Variants in GRM5 observed in about 807,000 individuals in gnomAD.
GRM5 encodes the protein metabotropic glutamate receptor 5.
Under a neutral mutation model 83.1 loss-of-function variants are expected in GRM5, and 19 were observed. The ratio of observed to expected loss-of-function variants is 0.23; its 90% confidence interval spans 0.16 to 0.34. The LOEUF (loss-of-function observed/expected upper bound fraction) is 0.34. GRM5 is among the 10% of genes least tolerant of loss of function. The pLI is 1.00. For synonymous variants in GRM5, 675 were observed against 633.6 expected (o/e 1.07, Z -0.98); for missense variants, 1,160 against 1,588.3 (o/e 0.73, Z 4.58).
chr11:89,064,096 C>G (rs1300168486), intron 1 of GRM5, among the ~76,000 whole-genome samples: 1 of 152,158 alleles, frequency 6.6e-6, no homozygotes, highest in African/African-American at 2.4e-5. Context: ...CCATTATCTT[C>G]TTCTTCCTAA....
chr11:88,683,914 A>G (rs2135348837), intron 3 of GRM5, among the ~76,000 whole-genome samples: 1 of 152,352 alleles, frequency 6.6e-6, no homozygotes, highest in East Asian at 1.9e-4. Flanking sequence ...ACATGCTGAA[A>G]TAAAACAGTA....
At chr11:88,940,311 C>G (rs1938046036) in intron 2 of GRM5, among the ~76,000 whole-genome samples, 1 of 147,000 alleles carries the variant, frequency 6.8e-6, no homozygotes, top group Non-Finnish European at 1.5e-5. Context: ...ATCCCAGGTT[C>G]ATGGTTTTTT....
At chr11:88,644,836 C>T (rs1052939141) in intron 4 of GRM5, among the ~76,000 whole-genome samples, 3 of 151,908 alleles carry the variant, frequency 2.0e-5, no homozygotes, top group Non-Finnish European at 2.9e-5. Context: ...TTAAGCACCA[C>T]AGTGGCAAAA....
rs770127576 is a variant in GRM5 at position 88,508,565 on chromosome 11, G to A, written c.*27C>T. 3.2e-6 allele frequency: 5 copies of A among 1,578,650 alleles called. No individual in the cohort carries two copies. The highest frequency in any genetic ancestry group is 1.7e-4 in the Middle Eastern group (1 of 5,996). On this transcript the variant is annotated 3_prime_UTR_variant, in exon 10 of 10. Coordinates refer to ENST00000305447, the MANE Select transcript of GRM5 (RefSeq NM_001143831.3). This position sits in a 1 kb window ranked among gnomAD's most constrained non-coding sequence, Gnocchi z 4.2. ...ACACGGGGGGCTCCGCTCCGCACGC[G>A]CAGGCCGGCGTGCTTTCCAGGGACA...
intron 2 of GRM5, among the ~76,000 whole-genome samples, chr11:88,909,010 A>T (rs991013990): frequency 2.0e-5 from 3 of 152,106 alleles, no homozygotes; most frequent in Non-Finnish European, 2.9e-5. Flanking sequence ...TAAGACTTGG[A>T]CTTTGAGGCC....
At chr11:89,060,001 G>A (rs1224074500) in intron 1 of GRM5, among the ~76,000 whole-genome samples, 1 of 151,906 alleles carries the variant, frequency 6.6e-6, no homozygotes, top group Admixed American at 6.6e-5. Flanking sequence ...CTTGCCTAAG[G>A]TCACACAAGT....
chr11:88,664,805 T>C (rs117525246), intron 3 of GRM5, among the ~76,000 whole-genome samples: 1,529 of 152,226 alleles, frequency 0.01, 16 homozygotes, highest in East Asian at 0.066. Context: ...ATTTAAAGTA[T>C]ATAAGAATAT....
intron 4 of GRM5, among the ~76,000 whole-genome samples, chr11:88,644,540 C>T (rs904636463): frequency 5.3e-5 from 8 of 152,028 alleles, no homozygotes; most frequent in Admixed American, 5.2e-4. Flanking sequence ...TGATGTAATA[C>T]AGCAAGAAAA....
chr11:88,807,804 G>A (rs4002400), intron 3 of GRM5, among the ~76,000 whole-genome samples: 47,563 of 151,704 alleles, frequency 0.31, 7,889 homozygotes, highest in South Asian at 0.54. Flanking sequence ...CAAATAACAT[G>A]TTTTATACAA....
chr11:88,924,242 G>A (rs1945747078), intron 2 of GRM5, among the ~76,000 whole-genome samples: 1 of 65,112 alleles, frequency 1.5e-5, no homozygotes, highest in South Asian at 7.9e-4. Context: ...TTGGAAAATA[G>A]TTTGGAGCTT....
At chr11:88,957,598 T>C (rs1938661896) in intron 2 of GRM5, among the ~76,000 whole-genome samples, 1 of 152,198 alleles carries the variant, frequency 6.6e-6, no homozygotes, top group Non-Finnish European at 1.5e-5. Flanking sequence ...AGAAAGTATG[T>C]TCCTGTTTTT....
At chr11:88,752,661 AG>A (rs1372890826) in intron 3 of GRM5, among the ~76,000 whole-genome samples, 1 of 152,228 alleles carries the variant, frequency 6.6e-6, no homozygotes, top group East Asian at 1.9e-4. Context: ...CTAAGCAAAA[AG>A]GACAAAGCTG....
chr11:88,614,577 C>T (rs77389204), intron 4 of GRM5, among the ~76,000 whole-genome samples: 1 of 152,000 alleles, frequency 6.6e-6, no homozygotes, highest in Non-Finnish European at 1.5e-5. Flanking sequence ...CAATTTTGAG[C>T]CTTTTTAATT....
In GRM5 at chr11:88,505,488, A is replaced by G. The variant is rs1941161204; in HGVS notation, c.*3104T>C. Reference sequence around the variant, plus strand: ...AGTTTGGGAAAGATAGTTACTTTCAAGGATTAGCACGTTTGGGGATTTGCT... The same window carrying G: ...AGTTTGGGAAAGATAGTTACTTTCAGGGATTAGCACGTTTGGGGATTTGCT... On this transcript the variant is annotated 3_prime_UTR_variant, in exon 10 of 10. Coordinates refer to ENST00000305447, the MANE Select transcript of GRM5 (RefSeq NM_001143831.3). 1 of 152,222 alleles carries G rather than the reference A, an allele frequency of 6.6e-6. No individual in the cohort carries two copies. The highest frequency in any genetic ancestry group is 1.5e-5 in the Non-Finnish European group (1 of 68,028). 9.4% of individuals were successfully genotyped at this position (152,222 alleles called of 1,614,324 possible).
At chr11:88,731,673 G>A (rs1941811753) in intron 3 of GRM5, among the ~76,000 whole-genome samples, 1 of 151,870 alleles carries the variant, frequency 6.6e-6, no homozygotes, top group Admixed American at 6.6e-5. Flanking sequence ...GTATTACAAT[G>A]TGCCTGGCCT....
intron 3 of GRM5, among the ~76,000 whole-genome samples, chr11:88,742,824 G>A (rs1232657048): frequency 6.6e-6 from 1 of 152,108 alleles, no homozygotes; most frequent in East Asian, 1.9e-4. Context: ...TCTGGGAAGT[G>A]TAAAAGTAAT....
intron 3 of GRM5, among the ~76,000 whole-genome samples, chr11:88,793,732 A>G (rs1050518288): frequency 6.6e-6 from 1 of 152,216 alleles, no homozygotes; most frequent in African/African-American, 2.4e-5. Flanking sequence ...GGAGTCAGGA[A>G]GCACTCAAGA....
chr11:88,897,513 G>C (rs966463669), intron 2 of GRM5, among the ~76,000 whole-genome samples: 1 of 151,820 alleles, frequency 6.6e-6, no homozygotes, highest in Non-Finnish European at 1.5e-5. Flanking sequence ...ACTGTTGCTG[G>C]GTGAACATCA....
At chr11:89,025,165 CCTTTT>C (rs1176937834) in intron 2 of GRM5, among the ~76,000 whole-genome samples, 1 of 152,170 alleles carries the variant, frequency 6.6e-6, no homozygotes, top group African/African-American at 2.4e-5. Context: ...TATGAACCAT[CCTTTT>C]CTAGTCCGAA....
Sources: allele counts gnomAD v4.1 joint callset (sites outside exome capture counted in the v4.1 genomes callset), GRCh38; gene constraint gnomAD v4.1.1; non-coding constraint Gnocchi (gnomAD v3.1); transcripts MANE v1.5; gene names NCBI Gene and HGNC (gene_info 2026-07-23, HGNC 2026-07-21).